The following MAN1A1 variants were observed in gnomAD, a reference collection of about 807,000 sequenced individuals.
MAN1A1 encodes the protein mannosyl-oligosaccharide 1,2-alpha-mannosidase IA.
In MAN1A1, 29 loss-of-function variants were observed where a neutral mutation model predicts 70.8. That is an observed-to-expected ratio of 0.41 (90% CI 0.31 to 0.56). MAN1A1 has a LOEUF of 0.56. Ranked by LOEUF, MAN1A1 falls within the 20% of genes least tolerant of loss-of-function variation. The pLI is 0.29. For synonymous variants in MAN1A1, 349 were observed against 330.1 expected (o/e 1.06, Z -0.62); for missense variants, 747 against 841.3 (o/e 0.89, Z 1.39).
intron 5 of MAN1A1, among the ~76,000 whole-genome samples, chr6:119,270,867 A>G (rs1775903974): frequency 6.6e-6 from 1 of 152,336 alleles, no homozygotes; most frequent in African/African-American, 2.4e-5. Flanking sequence ...ATGAGTTAAA[A>G]CTATGGTCAT....
intron 6 of MAN1A1, among the ~76,000 whole-genome samples, chr6:119,211,169 C>A (rs1167313831): frequency 6.6e-6 from 1 of 152,192 alleles, no homozygotes; most frequent in Non-Finnish European, 1.5e-5. Flanking sequence ...CACATATTTT[C>A]ATTTCAAGAC....
intron 9 of MAN1A1, among the ~76,000 whole-genome samples, chr6:119,190,764 G>A (rs1284933883): frequency 6.6e-6 from 1 of 152,084 alleles, no homozygotes; most frequent in Non-Finnish European, 1.5e-5. Flanking sequence ...TTCTATCCCA[G>A]GTCTGTTGAT....
chr6:119,309,894 T>C (rs1183456961), intron 2 of MAN1A1, among the ~76,000 whole-genome samples: 3 of 152,190 alleles, frequency 2.0e-5, no homozygotes, highest in Admixed American at 6.5e-5. Flanking sequence ...TTCTTCTTAA[T>C]TGGCATCAGG....
At chr6:119,222,292 T>C (rs897434002) in intron 6 of MAN1A1, among the ~76,000 whole-genome samples, 2 of 151,934 alleles carry the variant, frequency 1.3e-5, no homozygotes, top group African/African-American at 4.8e-5. Context: ...TGGTTGTTGT[T>C]ATTATAGTAT....
chr6:119,215,926 A>T (rs968494275), intron 6 of MAN1A1, among the ~76,000 whole-genome samples: 13 of 152,220 alleles, frequency 8.5e-5, no homozygotes, highest in Admixed American at 6.5e-5. Context: ...GTTGTGAAGA[A>T]CATGTAGAAG....
At chr6:119,201,190 C>T in intron 8 of MAN1A1, 64 bp downstream of exon 8, 6 of 1,236,278 alleles carry the variant, frequency 4.9e-6, no homozygotes, top group South Asian at 1.2e-5. Context: ...TGCTTTTGTG[C>T]TTCCTCTCTC....
At chr6:119,205,516 A>C (rs554674877) in intron 6 of MAN1A1, among the ~76,000 whole-genome samples, 53 of 152,332 alleles carry the variant, frequency 3.5e-4, no homozygotes, top group Middle Eastern at 6.8e-3. Context: ...TTATGTTATA[A>C]AAATCTGGAA....
chr6:119,295,015 A>G (rs764170102), intron 4 of MAN1A1, among the ~76,000 whole-genome samples: 1 of 152,110 alleles, frequency 6.6e-6, no homozygotes, highest in Admixed American at 6.6e-5. Flanking sequence ...AGTGACAAAG[A>G]CTGCTAACAT....
At chr6:119,303,649 G>A (rs555157159) in intron 3 of MAN1A1, among the ~76,000 whole-genome samples, 1 of 152,114 alleles carries the variant, frequency 6.6e-6, no homozygotes, top group East Asian at 1.9e-4. Context: ...GGCTAATCTT[G>A]TGACAGATCA....
chr6:119,328,044 C>G (rs1282780969), intron 2 of MAN1A1, among the ~76,000 whole-genome samples: 1 of 152,114 alleles, frequency 6.6e-6, no homozygotes, highest in Non-Finnish European at 1.5e-5. Context: ...CATTTTTGGC[C>G]TTATGAGACT....
chr6:119,177,403 T>C lies in MAN1A1; in HGVS notation c.*2416A>G, dbSNP rs1024305197. On this transcript the variant is annotated 3_prime_UTR_variant, in exon 13 of 13. Transcript: ENST00000368468. Reference sequence around the variant, plus strand: ...CATATGAAAACCTCATGACAAGTCATTGAGTTCTGTAAACTGCCATACAAC... The same window carrying C: ...CATATGAAAACCTCATGACAAGTCACTGAGTTCTGTAAACTGCCATACAAC... The C allele has an allele frequency of 7.2e-5, 11 of 152,120 alleles. No individual in the cohort carries two copies. Among genetic ancestry groups the C allele is most frequent in the African/African-American group, 1.7e-4 (7 of 41,456 alleles). The allele number at this position is 152,120 out of a possible 1,614,324, so 9.4% of individuals were successfully genotyped here.
At chr6:119,332,176 C>G (rs1291821772) in intron 2 of MAN1A1, among the ~76,000 whole-genome samples, 6 of 152,134 alleles carry the variant, frequency 3.9e-5, no homozygotes, top group Admixed American at 3.9e-4. Context: ...TACTTTTCAC[C>G]ATTCCAGAAT....
At chr6:119,202,807 A>C (rs1240190684) in intron 7 of MAN1A1, among the ~76,000 whole-genome samples, 1 of 152,222 alleles carries the variant, frequency 6.6e-6, no homozygotes, top group Non-Finnish European at 1.5e-5. Flanking sequence ...GGAGATGATA[A>C]ATACTGTGGA....
intron 2 of MAN1A1, among the ~76,000 whole-genome samples, chr6:119,313,031 CT>C (rs1772753596): frequency 6.6e-6 from 1 of 152,070 alleles, no homozygotes; most frequent in African/African-American, 2.4e-5. Context: ...TCCTCCTAGG[CT>C]TCAGGAGGTT....
upstream of MAN1A1, chr6:119,350,605 T>G: frequency 7.3e-6 from 7 of 953,154 alleles, no homozygotes; most frequent in Non-Finnish European, 8.7e-6. Context: ...TCGAACACTG[T>G]GTTGAAATTA....
At chr6:119,194,006 C>A in intron 8 of MAN1A1, 114 bp from the exon 9 acceptor site, 1 of 598,786 alleles carries the variant, frequency 1.7e-6, no homozygotes. Flanking sequence ...GTCACTGTTA[C>A]ATTTAAATTC....
chr6:119,263,043 T>C (rs1420555800), intron 5 of MAN1A1, among the ~76,000 whole-genome samples: 1 of 152,136 alleles, frequency 6.6e-6, no homozygotes, highest in Non-Finnish European at 1.5e-5. Context: ...AGCCTACATC[T>C]TTTTCCCGTG....
At position 119,322,250 on chromosome 6, in the gene MAN1A1, C is replaced by T. The variant is rs140297927; in HGVS notation, c.604-15258G>A. Among the ~76,000 whole-genome samples the T allele has an allele frequency of 1.3e-3, 199 of 152,314 alleles. 1 individual carries two copies. Among genetic ancestry groups the T allele is most frequent in the African/African-American group, 4.6e-3 (191 of 41,570 alleles). On this transcript the variant is annotated intron_variant, in intron 2 of 12. Coordinates refer to ENST00000368468, the MANE Select transcript of MAN1A1 (RefSeq NM_005907.4). ...AGCTCACTGGTGTACAGCTGTATGT[C>T]TGTGATGATCTTATCCACATTACTA...
intron 3 of MAN1A1, among the ~76,000 whole-genome samples, chr6:119,305,648 C>G (rs973870174): frequency 6.6e-6 from 1 of 152,152 alleles, no homozygotes; most frequent in Non-Finnish European, 1.5e-5. Flanking sequence ...GCAAACCCTG[C>G]AATGCCTTTC....
Sources: allele counts gnomAD v4.1 joint callset (sites outside exome capture counted in the v4.1 genomes callset), GRCh38; gene constraint gnomAD v4.1.1; transcripts MANE v1.5; gene names NCBI Gene and HGNC (gene_info 2026-07-23, HGNC 2026-07-21).